The following CATSPERB variants were observed in gnomAD, a reference collection of about 807,000 sequenced individuals.
CATSPERB encodes the protein catsper channel auxiliary subunit beta, also known as cation channel sperm-associated auxiliary subunit beta.
Under a neutral mutation model 128.3 loss-of-function variants are expected in CATSPERB, and 93 were observed. That is an observed-to-expected ratio of 0.72 (90% confidence interval 0.61 to 0.86). CATSPERB has a LOEUF of 0.86. Among genes scored for constraint, CATSPERB ranks in the 40% least tolerant of loss-of-function variants. The pLI is 0.00. For synonymous variants in CATSPERB, 381 were observed against 448.8 expected (o/e 0.85, Z 1.91); for missense variants, 1,153 against 1,329.5 (o/e 0.87, Z 2.06).
chr14:91,723,268 T>C (rs1436421685), intron 3 of CATSPERB, 79 bp from the exon 4 acceptor site: 4 of 1,108,330 alleles, frequency 3.6e-6, no homozygotes, highest in Non-Finnish European at 4.8e-6. Flanking sequence ...TAAAAGTGAT[T>C]AGTAATTCCA....
In CATSPERB at chr14:91,585,194, T is replaced by G. The variant is rs569481299; in HGVS notation, c.3132+2008A>C. Among the ~76,000 whole-genome samples the G allele has an allele frequency of 4.1e-4, 62 of 152,094 alleles. 1 individual carries two copies. Among genetic ancestry groups the G allele is most frequent in the Admixed American group, 7.2e-4 (11 of 15,272 alleles). The stretch of plus-strand genomic sequence containing the variant: ...TCCATGCCTGGCTAATTTTTTTGTA[T>G]TTGTAGAGACAGGGCCTTGCCATGT... On this transcript the variant is annotated intron_variant, in intron 26 of 26. Transcript: ENST00000256343.
intron 2 of CATSPERB, among the ~76,000 whole-genome samples, chr14:91,727,967 C>T (rs920364334): frequency 3.3e-5 from 5 of 152,264 alleles, no homozygotes; most frequent in East Asian, 3.9e-4. Context: ...CTCTTTATCC[C>T]GCTAGACACT....
intron 4 of CATSPERB, 23 bp downstream of exon 4, chr14:91,723,026 A>T: frequency 6.8e-7 from 1 of 1,466,378 alleles, no homozygotes. Flanking sequence ...AACATATCAC[A>T]GAGTAAGATA....
intron 20 of CATSPERB, among the ~76,000 whole-genome samples, chr14:91,612,936 C>T (rs1178865899): frequency 2.0e-5 from 3 of 152,066 alleles, no homozygotes; most frequent in Non-Finnish European, 4.4e-5. Flanking sequence ...GTAGTAGCTG[C>T]CTTCAAATAA....
Position 91,601,508 on chromosome 14 carries a change from A to G in CATSPERB, c.2709+6786T>C, listed in dbSNP as rs561849339. 3.3e-5 allele frequency among the ~76,000 whole-genome samples: 5 copies of G among 152,280 alleles called. No homozygotes were observed. In the East Asian group the frequency reaches 9.6e-4, roughly 29 times the overall value. On this transcript the variant is annotated intron_variant, in intron 22 of 26. Transcript: ENST00000256343. ...GTAAATTTTGGTTGGTGTTTACACA[A>G]TTTTTGTAGGAAATTGTTTACGAGT...
intron 14 of CATSPERB, among the ~76,000 whole-genome samples, chr14:91,662,781 T>A (rs1236786990): frequency 6.6e-6 from 1 of 152,248 alleles, no homozygotes; most frequent in African/African-American, 2.4e-5. Context: ...GATTTGTATT[T>A]CCCTGATTGC....
chr14:91,590,140 A>G (rs1247916704), intron 23 of CATSPERB, among the ~76,000 whole-genome samples: 1 of 152,300 alleles, frequency 6.6e-6, no homozygotes. Context: ...GAGATAAATC[A>G]CGGAGAAGGC....
At chr14:91,635,043 A>C (rs1194810460) in intron 17 of CATSPERB, among the ~76,000 whole-genome samples, 1 of 151,908 alleles carries the variant, frequency 6.6e-6, no homozygotes, top group Non-Finnish European at 1.5e-5. Flanking sequence ...GGTGTCTTCT[A>C]CGTGTGTCCT....
rs553754401 is a variant in CATSPERB at position 91,584,695 on chromosome 14, C to T, written c.3132+2507G>A. On this transcript the variant is annotated intron_variant, in intron 26 of 26. Transcript: ENST00000256343. ...AGAGAATTCTGGATTGACAATCCTTCCTCCCCACTCAACCCTCACCCCTAA... is the reference window on the plus strand; with the variant it reads ...AGAGAATTCTGGATTGACAATCCTTTCTCCCCACTCAACCCTCACCCCTAA... 2.6e-5 allele frequency among the ~76,000 whole-genome samples: 4 copies of T among 152,278 alleles called. No homozygotes were observed. In the South Asian group the frequency reaches 8.3e-4, roughly 32 times the overall value.
intron 5 of CATSPERB, among the ~76,000 whole-genome samples, chr14:91,714,277 CAAAA>C (rs35951126): frequency 9.0e-6 from 1 of 111,270 alleles, no homozygotes; most frequent in African/African-American, 3.6e-5. Flanking sequence ...TACAATAAGG[CAAAA>C]AAAAAAAAAA....
At position 91,669,823 on chromosome 14, in the gene CATSPERB, A is replaced by C. The variant is rs372309588; in HGVS notation, c.1278T>G (p.Tyr426Ter). ...FHPRSHFLYA[Y>*]GNQIWLSVDG... ...TTCCATGTGTACGCACCTGATTGCC[A>C]TAAGCATACAAAAAGTGGCTTCGGG... Residue 426 changes from tyrosine to a stop codon, truncating the protein, a stop_gained, in exon 14 of 27, where the codon TAT becomes TAG. Transcript: ENST00000256343. LOFTEE classifies it high-confidence loss of function. 5.0e-6 allele frequency: 8 copies of C among 1,612,740 alleles called. No individual in the cohort carries two copies. The South Asian group carries it at 8.8e-5, about 18-fold the overall frequency.
rs185523557 is a variant in CATSPERB, at chr14:91,679,768, A to G, written c.931+4109T>C. Among the ~76,000 whole-genome samples the G allele has an allele frequency of 1.1e-4, 16 of 152,342 alleles. No homozygotes were observed. The East Asian group carries it at 3.1e-3, about 29-fold the overall frequency. The stretch of plus-strand genomic sequence containing the variant: ...AATCTCTGACCTCTTTCTTGGGCTC[A>G]TCAAAGCTATAAAAATTAATCAATG... On this transcript the variant is annotated intron_variant, in intron 11 of 26. Transcript: ENST00000256343.
chr14:91,705,804 C>T (rs1039254034), intron 6 of CATSPERB, among the ~76,000 whole-genome samples: 1 of 152,184 alleles, frequency 6.6e-6, no homozygotes, highest in African/African-American at 2.4e-5. Flanking sequence ...CTCACCAGAC[C>T]AGGGTAGACA....
intron 14 of CATSPERB, 135 bp from the exon 15 acceptor site, chr14:91,660,116 TCACA>T (rs56413235): frequency 0.023 from 5,369 of 237,826 alleles, 24 homozygotes; most frequent in Middle Eastern, 0.086. Flanking sequence ...TCTCTCTCTC[TCACA>T]CACACACACA....
chr14:91,706,696 C>T (rs1329715050), intron 6 of CATSPERB, among the ~76,000 whole-genome samples: 1 of 152,166 alleles, frequency 6.6e-6, no homozygotes, highest in African/African-American at 2.4e-5. Context: ...CTAGCCTTAA[C>T]TCTTGATTCC....
intron 14 of CATSPERB, among the ~76,000 whole-genome samples, chr14:91,663,047 CCTT>C (rs775680360): frequency 3.2e-4 from 48 of 152,206 alleles, no homozygotes; most frequent in African/African-American, 1.0e-3. Flanking sequence ...CTCTTTCTCT[CCTT>C]CTTCTTTCTT....
At chr14:91,717,836 T>G (rs1350651630) in intron 5 of CATSPERB, among the ~76,000 whole-genome samples, 2 of 152,206 alleles carry the variant, frequency 1.3e-5, no homozygotes, top group Non-Finnish European at 2.9e-5. Context: ...TCTCCTTACC[T>G]CTGAACATTT....
At position 91,723,215 on chromosome 14, in the gene CATSPERB, A is replaced by AC. The variant is rs397720491; in HGVS notation, c.169-27dup. The AC allele has an allele frequency of 2.7e-4, 391 of 1,456,544 alleles. 2 individuals are homozygous for AC. The highest frequency in any genetic ancestry group is 7.7e-5 in the Non-Finnish European group (85 of 1,101,656). The allele number at this position is 1,456,544 out of a possible 1,614,324, so 90.2% of individuals were successfully genotyped here. A position where few individuals can be genotyped will look rare whatever the true frequency, so the allele number is the denominator to read the frequency against. On this transcript the variant is annotated intron_variant, in intron 3 of 26. Transcript: ENST00000256343. ...CTTTAGGAAAGCAAGAAAAAAAAAA[A>AC]CAACTAATAACCACTTGATGCAGAC...
In CATSPERB at chr14:91,659,490, A is replaced by C. The variant is rs1894838930; in HGVS notation, c.1432+347T>G. ...TCAGTTGTATCAGTGTAATCAGCAA[A>C]AGTAAGCTAACATTACCTACTTCAG... On this transcript the variant is annotated intron_variant, in intron 15 of 26. Transcript: ENST00000256343. Among the ~76,000 whole-genome samples the C allele has an allele frequency of 2.0e-5, 3 of 152,230 alleles. No individual in the cohort carries two copies. In the South Asian group the frequency reaches 6.2e-4, roughly 31 times the overall value.
Sources: gnomAD v4.1 joint callset for allele counts (sites outside exome capture counted in the v4.1 genomes callset) on GRCh38, gnomAD v4.1.1 for gene constraint, MANE v1.5 for transcripts, NCBI Gene and HGNC (gene_info 2026-07-23, HGNC 2026-07-21) for gene names.